Variants in IMMP2L observed in about 807,000 individuals in gnomAD.
The protein encoded by IMMP2L is mitochondrial inner membrane protease subunit 2.
IMMP2L carries 18 observed loss-of-function variants against 19.3 expected under a neutral mutation model. The observed-to-expected ratio is 0.93, with a 90% CI of 0.64 to 1.38. The LOEUF (loss-of-function observed/expected upper bound fraction) is 1.38. Among genes scored for constraint, IMMP2L ranks in the 40% most tolerant of loss-of-function variants. The probability of loss-of-function intolerance (pLI) is 0.00; values close to 1 mark genes in which losing one functional copy is unlikely to be tolerated. For synonymous variants in IMMP2L, 76 were observed against 73.0 expected (o/e 1.04, Z -0.21); for missense variants, 233 against 218.2 (o/e 1.07, Z -0.43).
intron 3 of IMMP2L, among the ~76,000 whole-genome samples, chr7:111,164,828 A>AT (rs1586649576): frequency 6.6e-6 from 1 of 151,712 alleles, no homozygotes; most frequent in African/African-American, 2.4e-5. Context: ...ATTAAAAAAA[A>AT]TTTTTTTTGC....
intron 5 of IMMP2L, among the ~76,000 whole-genome samples, chr7:110,802,842 T>C (rs1432076792): frequency 6.6e-6 from 1 of 151,982 alleles, no homozygotes; most frequent in Non-Finnish European, 1.5e-5. Context: ...TACAAGGCAT[T>C]ATGGGCACAT....
chr7:111,504,500 G>A (rs1353054297), intron 2 of IMMP2L, among the ~76,000 whole-genome samples: 1 of 152,040 alleles, frequency 6.6e-6, no homozygotes, highest in Non-Finnish European at 1.5e-5. Flanking sequence ...CCAAAAAAGA[G>A]CCTGCATCAC....
chr7:110,837,568 T>G (rs1804624153), intron 5 of IMMP2L, among the ~76,000 whole-genome samples: 1 of 152,094 alleles, frequency 6.6e-6, no homozygotes, highest in Non-Finnish European at 1.5e-5. Flanking sequence ...ATTTTCTTTA[T>G]TTACTTCCGT....
chr7:111,528,472 T>A (rs1309245030), intron 1 of IMMP2L, among the ~76,000 whole-genome samples: 2 of 152,228 alleles, frequency 1.3e-5, no homozygotes, highest in African/African-American at 4.8e-5. Context: ...GAATATTTTT[T>A]AAATAAGCTT....
intron 4 of IMMP2L, among the ~76,000 whole-genome samples, chr7:110,908,710 T>C (rs548459574): frequency 3.9e-5 from 6 of 152,250 alleles, no homozygotes; most frequent in Non-Finnish European, 8.8e-5. Flanking sequence ...GTTTGGTTTC[T>C]TTTGTGTTTT....
intron 4 of IMMP2L, among the ~76,000 whole-genome samples, chr7:110,935,492 G>A (rs557619715): frequency 3.9e-5 from 6 of 152,028 alleles, no homozygotes; most frequent in South Asian, 2.1e-4. Flanking sequence ...TGCTCTTCTC[G>A]AGGAGTATCT....
rs1405456163 is a variant in IMMP2L, at chr7:111,213,495, A to G, written c.240-249930T>C. Among the ~76,000 whole-genome samples the G allele has an allele frequency of 6.6e-6, 1 of 152,136 alleles. No homozygotes were observed. The highest frequency in any genetic ancestry group is 1.5e-5 in the Non-Finnish European group (1 of 68,012). ...CACCTTCAAGCTGGGGAGGGCCTGA[A>G]GCCCTCCAGGGGCCAGGCTGCTGGT... On this transcript the variant is annotated intron_variant, in intron 3 of 5. Transcript: ENST00000405709. This position sits in a 1 kb window ranked among gnomAD's most constrained non-coding sequence, Gnocchi z 4.8.
intron 3 of IMMP2L, among the ~76,000 whole-genome samples, chr7:111,186,426 A>T (rs1464264791): frequency 2.0e-5 from 3 of 146,502 alleles, no homozygotes; most frequent in African/African-American, 7.5e-5. Flanking sequence ...ATATCTTTCA[A>T]TTTTTTTTTT....
At chr7:111,112,933 A>C (rs1799414368) in intron 3 of IMMP2L, among the ~76,000 whole-genome samples, 1 of 152,126 alleles carries the variant, frequency 6.6e-6, no homozygotes, top group Non-Finnish European at 1.5e-5. Context: ...GAAGGAGCTA[A>C]TTTTATTTCC....
At chr7:111,561,780 G>C (rs1792098228) in intron 1 of IMMP2L, 71 bp downstream of exon 1, 1 of 152,622 alleles carries the variant, frequency 6.6e-6, no homozygotes, top group Admixed American at 6.5e-5. Context: ...TGGACATCTA[G>C]CCCTTCTCTC....
chr7:111,016,738 TATTA>T (rs1825641477), intron 3 of IMMP2L, among the ~76,000 whole-genome samples: 1 of 97,638 alleles, frequency 1.0e-5, no homozygotes, highest in Non-Finnish European at 1.8e-5. Flanking sequence ...AAAATATATA[TATTA>T]TATATATTAT....
intron 2 of IMMP2L, among the ~76,000 whole-genome samples, chr7:111,519,812 G>A (rs190344417): frequency 3.6e-4 from 54 of 152,016 alleles, no homozygotes; most frequent in Non-Finnish European, 2.2e-4. Flanking sequence ...TTTGTGTTCT[G>A]GAAAAGTCCT....
chr7:111,092,915 T>C (rs1797015839), intron 3 of IMMP2L, among the ~76,000 whole-genome samples: 1 of 152,222 alleles, frequency 6.6e-6, no homozygotes, highest in South Asian at 2.1e-4. Flanking sequence ...TCAGCTTCTT[T>C]GAAACTGTGG....
At chr7:111,169,207 T>C (rs79075398) in intron 3 of IMMP2L, among the ~76,000 whole-genome samples, 2,286 of 151,992 alleles carry the variant, frequency 0.015, 74 homozygotes, top group African/African-American at 0.053. Context: ...CCCAACCTCC[T>C]TGGACCCTCC....
At chr7:111,240,893 C>G (rs1189930059) in intron 3 of IMMP2L, among the ~76,000 whole-genome samples, 1 of 151,796 alleles carries the variant, frequency 6.6e-6, no homozygotes, top group African/African-American at 2.4e-5. Context: ...GACATCAGAC[C>G]TAGTCAGGCC....
At chr7:110,669,489 C>T (rs1303438316) in intron 5 of IMMP2L, among the ~76,000 whole-genome samples, 2 of 152,160 alleles carry the variant, frequency 1.3e-5, no homozygotes, top group Non-Finnish European at 2.9e-5. Flanking sequence ...GAATAATGCT[C>T]GACCAAAGAT....
At chr7:111,278,901 G>C (rs1008385759) in intron 3 of IMMP2L, among the ~76,000 whole-genome samples, 1 of 151,834 alleles carries the variant, frequency 6.6e-6, no homozygotes, top group African/African-American at 2.4e-5. Context: ...AACAGAATTA[G>C]AAATATTCAT....
At chr7:111,377,876 A>G (rs1226597016) in intron 3 of IMMP2L, among the ~76,000 whole-genome samples, 3 of 150,806 alleles carry the variant, frequency 2.0e-5, no homozygotes, top group East Asian at 1.9e-4. Flanking sequence ...ATATCTTATC[A>G]TAATACTATA....
chr7:111,009,728 A>G (rs545615195), intron 3 of IMMP2L, among the ~76,000 whole-genome samples: 1 of 152,262 alleles, frequency 6.6e-6, no homozygotes, highest in African/African-American at 2.4e-5. Flanking sequence ...CACCATAAGC[A>G]CAGTCTAAAG....
Sources: allele counts gnomAD v4.1 joint callset (sites outside exome capture counted in the v4.1 genomes callset), GRCh38; gene constraint gnomAD v4.1.1; non-coding constraint Gnocchi (gnomAD v3.1); transcripts MANE v1.5; gene names NCBI Gene and HGNC (gene_info 2026-07-23, HGNC 2026-07-21).